SUCLA2: variants seen among roughly 807,000 people sequenced by gnomAD.
SUCLA2 encodes succinate-CoA ligase ADP-forming subunit beta, also known as succinate--CoA ligase [ADP-forming] subunit beta, mitochondrial.
In SUCLA2, 30 loss-of-function variants were observed where a neutral mutation model predicts 54.8. The ratio of observed to expected loss-of-function variants is 0.55; its 90% CI spans 0.41 to 0.74. The LOEUF is 0.74. Among genes scored for constraint, SUCLA2 ranks in the 30% least tolerant of loss-of-function variants. The pLI, the probability that SUCLA2 is intolerant of heterozygous loss-of-function variation, is 0.00. For synonymous variants in SUCLA2, 172 were observed against 188.9 expected (o/e 0.91, Z 0.74); for missense variants, 476 against 562.9 (o/e 0.85, Z 1.56).
Position 47,949,621 on chromosome 13 carries a change from T to C in SUCLA2, c.1108-18A>G. On this transcript the variant is annotated intron_variant, in intron 8 of 10. Transcript: ENST00000646932. ...GCCAGTACCTATGAATAAAGTGTTCTGATAGATTAAAATTTAAAAGAAATT... is the reference window on the plus strand; with the variant it reads ...GCCAGTACCTATGAATAAAGTGTTCCGATAGATTAAAATTTAAAAGAAATT... The C allele has an allele frequency of 1.2e-6, 2 of 1,612,402 alleles. No homozygotes were observed. Among genetic ancestry groups the C allele is most frequent in the Non-Finnish European group, 1.7e-6 (2 of 1,178,740 alleles).
chr13:47,949,436 A>T, intron 9 of SUCLA2, 47 bp downstream of exon 9: 3 of 1,608,696 alleles, frequency 1.9e-6, no homozygotes, highest in Non-Finnish European at 2.6e-6. Flanking sequence ...TGGAAATGTG[A>T]ACTTTTAAAG....
chr13:47,957,300 T>G (rs1323576642), intron 6 of SUCLA2, among the ~76,000 whole-genome samples: 1 of 152,226 alleles, frequency 6.6e-6, no homozygotes, highest in Non-Finnish European at 1.5e-5. Flanking sequence ...TTGGCAATAC[T>G]TGTCTCAGTA....
intron 4 of SUCLA2, among the ~76,000 whole-genome samples, chr13:47,977,318 G>A: frequency 6.6e-6 from 1 of 152,036 alleles, no homozygotes; most frequent in Non-Finnish European, 1.5e-5. Flanking sequence ...AGGAAGCCCG[G>A]GACCAAATGG....
intron 10 of SUCLA2, among the ~76,000 whole-genome samples, chr13:47,945,422 C>CAAAAA (rs10661341): frequency 0.38 from 18,892 of 49,846 alleles, 5,894 homozygotes; most frequent in Non-Finnish European, 0.49. Context: ...GACTCAGTCT[C>CAAAAA]AAAAAAAAAA....
chr13:47,961,284 G>C (rs571668403), intron 6 of SUCLA2, among the ~76,000 whole-genome samples: 49 of 151,604 alleles, frequency 3.2e-4, no homozygotes, highest in African/African-American at 1.1e-3. Context: ...AAAATGGAGT[G>C]GGGGGGGCCA....
At chr13:47,967,848 CAAA>C (rs11349393) in intron 6 of SUCLA2, among the ~76,000 whole-genome samples, 16 of 96,152 alleles carry the variant, frequency 1.7e-4, no homozygotes, top group African/African-American at 3.8e-4. Context: ...GACTCAGTCT[CAAA>C]AAAAAAAAAA....
chr13:47,951,412 C>CT lies in SUCLA2; in HGVS notation c.1108-1810_1108-1809insA, dbSNP rs1286851463. 3.3e-4 allele frequency among the ~76,000 whole-genome samples: 49 copies of CT among 147,320 alleles called. 1 individual carries two copies. The East Asian group carries it at 9.6e-3, about 29-fold the overall frequency. ...GGAACTGACTTTCTTCACTATAGAG[C>CT]CTGGGACATATGGCTAAGCAATTCA... On this transcript the variant is annotated intron_variant, in intron 8 of 10. Coordinates refer to ENST00000646932, the MANE Select transcript of SUCLA2 (RefSeq NM_003850.3).
At chr13:47,958,505 A>G (rs1434404685) in intron 6 of SUCLA2, among the ~76,000 whole-genome samples, 1 of 152,244 alleles carries the variant, frequency 6.6e-6, no homozygotes, top group Non-Finnish European at 1.5e-5. Context: ...AATCTTTACT[A>G]AACAAGCTAG....
At chr13:47,999,652 A>G (rs1950214854) in intron 1 of SUCLA2, among the ~76,000 whole-genome samples, 1 of 151,824 alleles carries the variant, frequency 6.6e-6, no homozygotes, top group African/African-American at 2.4e-5. Flanking sequence ...GCTTGCAGTG[A>G]GCCAAGATCG....
chr13:47,994,709 AATC>A (rs1482970048), intron 2 of SUCLA2: 2 of 388,260 alleles, frequency 5.2e-6, no homozygotes, highest in African/African-American at 2.2e-5. Flanking sequence ...CCCACACTAT[AATC>A]ATCATTTGCA....
At chr13:47,958,244 G>A (rs1247940386) in intron 6 of SUCLA2, among the ~76,000 whole-genome samples, 1 of 152,170 alleles carries the variant, frequency 6.6e-6, no homozygotes. Flanking sequence ...ACAGCTTTCA[G>A]TGAATTACCT....
chr13:47,997,268 A>G (rs1950198639), intron 1 of SUCLA2, among the ~76,000 whole-genome samples: 1 of 122,232 alleles, frequency 8.2e-6, no homozygotes, highest in Admixed American at 7.9e-5. Flanking sequence ...CTTTACTATC[A>G]TATCTCCAAT....
intron 1 of SUCLA2, among the ~76,000 whole-genome samples, chr13:47,997,923 G>A (rs1374342627): frequency 6.6e-6 from 1 of 152,066 alleles, no homozygotes; most frequent in Non-Finnish European, 1.5e-5. Flanking sequence ...TCTGGACTGG[G>A]CCCAAGGAAA....
At chr13:47,994,776 G>A (rs1376083130) in intron 2 of SUCLA2, 2 of 959,132 alleles carry the variant, frequency 2.1e-6, no homozygotes, top group Non-Finnish European at 2.5e-6. Flanking sequence ...CTGTTCCAAG[G>A]GGCTCAAAAT....
intron 6 of SUCLA2, chr13:47,965,559 G>T (rs1371419785): frequency 2.5e-6 from 1 of 395,856 alleles, no homozygotes; most frequent in Non-Finnish European, 4.4e-6. Context: ...AAAAAATAAG[G>T]TCAAGAAATA....
At chr13:47,980,528 AATCTAC>A (rs1950052342) in intron 4 of SUCLA2, among the ~76,000 whole-genome samples, 1 of 152,208 alleles carries the variant, frequency 6.6e-6, no homozygotes, top group Admixed American at 6.5e-5. Flanking sequence ...TACCCTAAGC[AATCTAC>A]AGATTCAATG....
In SUCLA2 at chr13:47,943,079, T is replaced by C. The variant is rs2137679427; in HGVS notation, c.*292A>G. 1 of 388,418 alleles carries C rather than the reference T, an allele frequency of 2.6e-6. No individual in the cohort carries two copies. The highest frequency in any genetic ancestry group is 5.4e-5 in the East Asian group (1 of 18,374). 24.1% of individuals were successfully genotyped at this position (388,418 alleles called of 1,614,324 possible). A position where few individuals can be genotyped will look rare whatever the true frequency, so the allele number is the denominator to read the frequency against. ...TATAGGACTCTTATCAATGAAGAAC[T>C]TTGTATCCAACAATAATAAACTGGC... On this transcript the variant is annotated 3_prime_UTR_variant, in exon 11 of 11. Coordinates refer to ENST00000646932, the MANE Select transcript of SUCLA2 (RefSeq NM_003850.3).
In SUCLA2 at chr13:47,949,198, T is replaced by A. The variant is rs561740011; in HGVS notation, c.1229-170A>T. On this transcript the variant is annotated intron_variant, in intron 9 of 10. Coordinates refer to ENST00000646932, the MANE Select transcript of SUCLA2 (RefSeq NM_003850.3). ...CACTGTAAAAGCCCAGGTTATCTTA[T>A]AAAATATTTTGCCTTACAATAATTC... is the stretch of plus-strand genomic sequence containing the variant. 3.9e-5 allele frequency among the ~76,000 whole-genome samples: 6 copies of A among 152,312 alleles called. No homozygotes were observed. In the East Asian group the frequency reaches 9.6e-4, roughly 24 times the overall value.
chr13:47,945,249 TAAAAAA>T (rs35349385), intron 10 of SUCLA2, among the ~76,000 whole-genome samples: 3 of 85,192 alleles, frequency 3.5e-5, no homozygotes, highest in South Asian at 8.7e-4. Flanking sequence ...AACTCTGTCT[TAAAAAA>T]AAAAAAAAAA....
Sources: allele counts gnomAD v4.1 joint callset (sites outside exome capture counted in the v4.1 genomes callset), GRCh38; gene constraint gnomAD v4.1.1; transcripts MANE v1.5; gene names NCBI Gene and HGNC (gene_info 2026-07-23, HGNC 2026-07-21).